Variants in DGKG observed in about 807,000 individuals in gnomAD.
DGKG encodes DAG kinase gamma.
DGKG carries 78 observed loss-of-function variants against 105.3 expected under a neutral mutation model. That is an observed-to-expected ratio of 0.74 (90% CI 0.62 to 0.89). The LOEUF (loss-of-function observed/expected upper bound fraction) is 0.89. Ranked by LOEUF, DGKG falls within the 40% of genes least tolerant of loss-of-function variation. The pLI is 0.00. For synonymous variants in DGKG, 346 were observed against 367.1 expected (o/e 0.94, Z 0.66); for missense variants, 958 against 1,020.1 (o/e 0.94, Z 0.83).
intron 20 of DGKG, among the ~76,000 whole-genome samples, chr3:186,232,831 T>C (rs550266099): frequency 1.3e-5 from 2 of 152,370 alleles, no homozygotes; most frequent in Admixed American, 6.5e-5. Context: ...TTTATCTGCC[T>C]ATATTAGAGA....
chr3:186,273,305 T>C (rs775489948), intron 10 of DGKG, among the ~76,000 whole-genome samples: 8 of 151,554 alleles, frequency 5.3e-5, no homozygotes, highest in East Asian at 3.9e-4. Flanking sequence ...GGGAATGAGA[T>C]TGATCTATAA....
intron 20 of DGKG, among the ~76,000 whole-genome samples, chr3:186,230,085 C>T (rs1160218159): frequency 6.6e-6 from 1 of 152,046 alleles, no homozygotes; most frequent in African/African-American, 2.4e-5. Context: ...TGGTGAAATC[C>T]CGTCTCTACT....
intron 6 of DGKG, among the ~76,000 whole-genome samples, chr3:186,287,889 T>C (rs186003797): frequency 2.9e-4 from 44 of 152,362 alleles, no homozygotes; most frequent in African/African-American, 1.0e-3. Context: ...CTGTAACATG[T>C]ACATTTTTTT....
At chr3:186,352,708 G>C (rs1726692192) in intron 1 of DGKG, among the ~76,000 whole-genome samples, 1 of 152,090 alleles carries the variant, frequency 6.6e-6, no homozygotes, top group Non-Finnish European at 1.5e-5. Flanking sequence ...GTTCTTTCCT[G>C]GTTCTGTCCC....
At chr3:186,334,502 G>C (rs552828874) in intron 1 of DGKG, among the ~76,000 whole-genome samples, 1 of 152,210 alleles carries the variant, frequency 6.6e-6, no homozygotes, top group Non-Finnish European at 1.5e-5. Flanking sequence ...GTGGACAACA[G>C]CATCTAGAGG....
intron 20 of DGKG, among the ~76,000 whole-genome samples, chr3:186,230,815 G>A (rs1216244739): frequency 6.6e-6 from 1 of 152,206 alleles, no homozygotes; most frequent in Non-Finnish European, 1.5e-5. Context: ...AGCTTGGTCA[G>A]TTGTGGAGTG....
At chr3:186,164,174 G>A (rs993761945) in intron 23 of DGKG, among the ~76,000 whole-genome samples, 3 of 152,158 alleles carry the variant, frequency 2.0e-5, no homozygotes, top group East Asian at 1.9e-4. Flanking sequence ...GACTCCTCTC[G>A]GAGATCCCCA....
At position 186,165,024 on chromosome 3, in the gene DGKG, G is replaced by C. The variant is rs201025412; in HGVS notation, c.2096-6C>G. The C allele has an allele frequency of 3.1e-6, 5 of 1,611,022 alleles. No homozygotes were observed. The South Asian group carries it at 5.5e-5, about 18-fold the overall frequency. On this transcript the variant is annotated splice_region_variant and splice_polypyrimidine_tract_variant and intron_variant, in intron 22 of 24. Coordinates refer to ENST00000265022, the MANE Select transcript of DGKG (RefSeq NM_001346.3). ...AAGGAGCTGGTCACTGAGGTCTGCA[G>C]AGCGAGACAGCAAAAGTAGTGCATA... is the stretch of plus-strand genomic sequence containing the variant.
At chr3:186,251,360 TG>T (rs1006130554) in intron 19 of DGKG, among the ~76,000 whole-genome samples, 6 of 152,164 alleles carry the variant, frequency 3.9e-5, no homozygotes, top group African/African-American at 1.4e-4. Flanking sequence ...TGGGACCACA[TG>T]GTCTTCCTTT....
chr3:186,195,422 C>T (rs1718133250), intron 21 of DGKG, among the ~76,000 whole-genome samples: 1 of 152,110 alleles, frequency 6.6e-6, no homozygotes, highest in South Asian at 2.1e-4. Context: ...TGTTAGCTTG[C>T]CTGAAAAGTC....
intron 20 of DGKG, among the ~76,000 whole-genome samples, chr3:186,232,704 CATG>C (rs1348424563): frequency 6.6e-6 from 1 of 152,072 alleles, no homozygotes; most frequent in African/African-American, 2.4e-5. Context: ...TATTTAATTA[CATG>C]ATAAATGTAT....
chr3:186,313,573 C>T (rs1724663005), intron 2 of DGKG: 2 of 958,556 alleles, frequency 2.1e-6, no homozygotes, highest in East Asian at 1.2e-4. Flanking sequence ...AGTGTGGTCC[C>T]TGGACCAGCA....
intron 21 of DGKG, among the ~76,000 whole-genome samples, chr3:186,191,173 A>G (rs1233799160): frequency 6.6e-6 from 1 of 152,140 alleles, no homozygotes; most frequent in Non-Finnish European, 1.5e-5. Flanking sequence ...AACATAAAAC[A>G]TTGTGCCGAG....
chr3:186,272,300 A>G lies in DGKG; in HGVS notation c.954T>C (p.Ile318=). The G allele has an allele frequency of 1.9e-6, 3 of 1,614,054 alleles. No homozygotes were observed. Among genetic ancestry groups the G allele is most frequent in the Non-Finnish European group, 2.5e-6 (3 of 1,179,932 alleles). Reference sequence around the variant, plus strand: ...TTGAGTACGTTTTGACACAACCAGGAATGTTTCTGGACACACAGCGTTCGT... The same window carrying G: ...TTGAGTACGTTTTGACACAACCAGGGATGTTTCTGGACACACAGCGTTCGT... The part of the protein sequence containing the change: ...TVHERCVSRN[I]PGCVKTYSKA... The change falls in exon 11 of 25, where the codon ATT becomes ATC. Residue 318 remains isoleucine (I), a synonymous_variant. Coordinates refer to ENST00000265022, the MANE Select transcript of DGKG (RefSeq NM_001346.3).
At chr3:186,228,932 T>G (rs533000845) in intron 20 of DGKG, among the ~76,000 whole-genome samples, 2 of 152,222 alleles carry the variant, frequency 1.3e-5, no homozygotes, top group Non-Finnish European at 2.9e-5. Flanking sequence ...TCTATACCTG[T>G]GAATGTGACC....
chr3:186,301,622 G>A (rs946765122), intron 3 of DGKG, among the ~76,000 whole-genome samples: 13 of 152,198 alleles, frequency 8.5e-5, no homozygotes, highest in Non-Finnish European at 8.8e-5. Context: ...GCGAGACTCC[G>A]TCTCAAAGAA....
At chr3:186,282,281 G>C (rs1424908276) in intron 7 of DGKG, among the ~76,000 whole-genome samples, 1 of 152,154 alleles carries the variant, frequency 6.6e-6, no homozygotes, top group African/African-American at 2.4e-5. Context: ...GCCTGTGTTC[G>C]AGAAGGAAGC....
At chr3:186,238,014 C>T (rs1215628042) in intron 20 of DGKG, among the ~76,000 whole-genome samples, 1 of 152,048 alleles carries the variant, frequency 6.6e-6, no homozygotes, top group African/African-American at 2.4e-5. Context: ...CCAATTTGGC[C>T]AGGAGTGGTG....
chr3:186,214,703 C>T (rs6782863), intron 20 of DGKG, among the ~76,000 whole-genome samples: 3,698 of 152,236 alleles, frequency 0.024, 120 homozygotes, highest in African/African-American at 0.086. Flanking sequence ...TAATATACTT[C>T]GGAGAAAGTG....
Sources: gnomAD v4.1 joint callset for allele counts (sites outside exome capture counted in the v4.1 genomes callset) on GRCh38, gnomAD v4.1.1 for gene constraint, MANE v1.5 for transcripts, NCBI Gene and HGNC (gene_info 2026-07-23, HGNC 2026-07-21) for gene names.